EPB41: variants seen among roughly 807,000 people sequenced by gnomAD.
EPB41 encodes erythrocyte membrane protein band 4.1.
Under a neutral mutation model 108.0 loss-of-function variants are expected in EPB41, and 65 were observed. That is an observed-to-expected ratio of 0.60 (90% CI 0.49 to 0.74). The LOEUF is 0.74. Among genes scored for constraint, EPB41 ranks in the 30% least tolerant of loss-of-function variants. The probability of loss-of-function intolerance (pLI) is 0.00; values close to 1 mark genes in which losing one functional copy is unlikely to be tolerated. For missense variants in EPB41, 875 were observed against 1,037.0 expected (o/e 0.84, Z 2.15); for synonymous variants, 336 against 358.9 (o/e 0.94, Z 0.72).
chr1:28,927,513 A>AG (rs1465055886), intron 1 of EPB41, among the ~76,000 whole-genome samples: 1 of 152,222 alleles, frequency 6.6e-6, no homozygotes, highest in African/African-American at 2.4e-5. Context: ...TTTGTTCCTA[A>AG]GGAAGGGAAT....
intron 4 of EPB41, among the ~76,000 whole-genome samples, chr1:29,009,056 C>T (rs112959928): frequency 4.2e-4 from 64 of 152,240 alleles, no homozygotes; most frequent in African/African-American, 1.5e-3. Flanking sequence ...GTAATTGTCA[C>T]ACCTCCTCGA....
chr1:28,975,493 G>C lies in EPB41; in HGVS notation c.-7-11938G>C, dbSNP rs570073921. Among the ~76,000 whole-genome samples the C allele has an allele frequency of 3.3e-5, 5 of 152,180 alleles. No homozygotes were observed. The East Asian group carries it at 9.7e-4, about 29-fold the overall frequency. ...ACCTGAATTTACCCAGTCATTTGTTGAATTTCCCTCTGTCTCTAGCCTCTT... is the reference window on the plus strand; with the variant it reads ...ACCTGAATTTACCCAGTCATTTGTTCAATTTCCCTCTGTCTCTAGCCTCTT... On this transcript the variant is annotated intron_variant, in intron 1 of 20. Coordinates refer to ENST00000343067, the MANE Select transcript of EPB41 (RefSeq NM_001376013.1).
At chr1:28,956,227 T>A (rs1365739288) in intron 1 of EPB41, among the ~76,000 whole-genome samples, 2 of 152,360 alleles carry the variant, frequency 1.3e-5, no homozygotes, top group East Asian at 3.9e-4. Context: ...ATACATGTCA[T>A]TGTGCGGTAG....
intron 1 of EPB41, among the ~76,000 whole-genome samples, chr1:28,889,087 CT>C (rs1440128225): frequency 2.0e-5 from 3 of 152,194 alleles, no homozygotes; most frequent in African/African-American, 7.2e-5. Flanking sequence ...AATCCTGACC[CT>C]TCCACTTTCC....
chr1:28,897,321 G>A (rs1453958269), intron 1 of EPB41, among the ~76,000 whole-genome samples: 6 of 152,042 alleles, frequency 3.9e-5, no homozygotes, highest in Non-Finnish European at 7.4e-5. Flanking sequence ...GGCTGAGGCA[G>A]GAGGATCACT....
chr1:28,999,762 C>A (rs535118765), intron 4 of EPB41, among the ~76,000 whole-genome samples: 2 of 152,098 alleles, frequency 1.3e-5, no homozygotes, highest in African/African-American at 4.8e-5. Context: ...GTCCTGTCAC[C>A]AAGTTTATTT....
intron 16 of EPB41, among the ~76,000 whole-genome samples, chr1:29,087,442 A>T (rs948463504): frequency 3.9e-5 from 6 of 152,136 alleles, no homozygotes; most frequent in Middle Eastern, 3.4e-3. Flanking sequence ...AGCTCACTGC[A>T]ACCTCCACGT....
chr1:29,091,841 G>C (rs1198570057), intron 16 of EPB41, among the ~76,000 whole-genome samples: 1 of 152,142 alleles, frequency 6.6e-6, no homozygotes, highest in Non-Finnish European at 1.5e-5. Flanking sequence ...ACTAGTGCCA[G>C]TTTGAGACGC....
At chr1:28,993,661 T>TC (rs1553223668) in intron 3 of EPB41, 119 bp downstream of exon 3, 9 of 816,546 alleles carry the variant, frequency 1.1e-5, no homozygotes, top group East Asian at 5.6e-5. Flanking sequence ...TTTTTTCTTT[T>TC]TTTTTTTTTT....
At chr1:29,063,665 C>A (rs532362589) in intron 15 of EPB41, among the ~76,000 whole-genome samples, 1 of 152,266 alleles carries the variant, frequency 6.6e-6, no homozygotes, top group Non-Finnish European at 1.5e-5. Context: ...AAGACTAAAT[C>A]CAAAATTCAC....
chr1:28,892,967 C>T (rs1222159165), intron 1 of EPB41, among the ~76,000 whole-genome samples: 1 of 151,816 alleles, frequency 6.6e-6, no homozygotes, highest in East Asian at 1.9e-4. Flanking sequence ...CCATGCCAGG[C>T]TAATTTTGTA....
intron 4 of EPB41, among the ~76,000 whole-genome samples, chr1:29,000,174 C>T (rs192791451): frequency 2.6e-5 from 4 of 151,986 alleles, no homozygotes; most frequent in African/African-American, 7.2e-5. Context: ...TCTCTGCTCA[C>T]TGCAATCTCC....
Position 29,030,392 on chromosome 1 carries a change from T to C in EPB41, c.1125-8T>C, listed in dbSNP as rs780754677. 6.2e-7 allele frequency: 1 copy of C among 1,612,128 alleles called. No individual in the cohort carries two copies. Among genetic ancestry groups the C allele is most frequent in the Admixed American group, 1.7e-5 (1 of 60,014 alleles). ...CTGAAAGAATTTTATGTTTTTATTC[T>C]ATCAAAGGTCCATGACTCCAGCTCA... is the stretch of plus-strand genomic sequence containing the variant. On this transcript the variant is annotated splice_region_variant and splice_polypyrimidine_tract_variant and intron_variant, in intron 7 of 20. Transcript: ENST00000343067.
chr1:28,932,999 G>C (rs1388311964), intron 1 of EPB41, among the ~76,000 whole-genome samples: 3 of 152,130 alleles, frequency 2.0e-5, no homozygotes, highest in South Asian at 4.1e-4. Context: ...TAAATGTTGA[G>C]AGCCCAATAC....
intron 9 of EPB41, 114 bp downstream of exon 9, chr1:29,033,359 GA>G: frequency 3.2e-6 from 4 of 1,247,676 alleles, no homozygotes; most frequent in Non-Finnish European, 4.6e-6. Flanking sequence ...GTTAACTATT[GA>G]AGGGCTGATA....
intron 7 of EPB41, among the ~76,000 whole-genome samples, chr1:29,029,397 CT>C (rs1275921273): frequency 2.0e-5 from 3 of 152,186 alleles, no homozygotes; most frequent in Admixed American, 6.5e-5. Flanking sequence ...CCAAGGAATC[CT>C]TTGTCCTTTT....
At chr1:29,112,893 A>G (rs1167455151) in intron 19 of EPB41, among the ~76,000 whole-genome samples, 1 of 152,238 alleles carries the variant, frequency 6.6e-6, no homozygotes, top group Non-Finnish European at 1.5e-5. Flanking sequence ...GCTAGACAAC[A>G]TCAAAACAAA....
At chr1:28,971,180 C>CTTTTTTTTTTCTTTCTTTCTTTCT (rs2095486080) in intron 1 of EPB41, among the ~76,000 whole-genome samples, 9 of 66,326 alleles carry the variant, frequency 1.4e-4, no homozygotes, top group African/African-American at 5.9e-4. Context: ...TTCTTTCTTT[C>CTTTTTTTTTTCTTTCTTTCTTTCT]TTTTTTTTTT....
chr1:28,982,044 C>G (rs547118580), intron 1 of EPB41, among the ~76,000 whole-genome samples: 24 of 152,108 alleles, frequency 1.6e-4, no homozygotes, highest in South Asian at 4.2e-4. Context: ...ATCCCTCCCC[C>G]CTTCCCCACC....
Sources: gnomAD v4.1 joint callset for allele counts (sites outside exome capture counted in the v4.1 genomes callset) on GRCh38, gnomAD v4.1.1 for gene constraint, MANE v1.5 for transcripts, NCBI Gene and HGNC (gene_info 2026-07-23, HGNC 2026-07-21) for gene names.